Variants in AARS1 observed in about 807,000 individuals in gnomAD.
AARS1 encodes the protein alanine--tRNA ligase, cytoplasmic.
AARS1 carries 72 observed loss-of-function variants against 108.9 expected under a neutral mutation model. That is an observed-to-expected ratio of 0.66 (90% CI 0.55 to 0.80). The LOEUF is 0.80. Ranked by LOEUF, AARS1 falls within the 30% of genes least tolerant of loss-of-function variation. The probability of loss-of-function intolerance (pLI) is 0.00; values close to 1 mark genes in which losing one functional copy is unlikely to be tolerated. For missense variants in AARS1, 1,193 were observed against 1,233.2 expected (o/e 0.97, Z 0.49); for synonymous variants, 489 against 465.7 (o/e 1.05, Z -0.64).
At chr16:70,263,644 G>GT (rs966408493) in intron 11 of AARS1, among the ~76,000 whole-genome samples, 14 of 151,460 alleles carry the variant, frequency 9.2e-5, no homozygotes, top group African/African-American at 2.9e-4. Flanking sequence ...TTATTTTTAT[G>GT]TTTTTTTTGA....
Position 70,265,517 on chromosome 16 carries a change from T to C in AARS1, c.1347+21A>G, listed in dbSNP as rs7192000. The C allele has an allele frequency of 0.017, 27,989 of 1,613,514 alleles. 4,119 individuals carry two copies. In the African/African-American group the frequency reaches 0.32, roughly 19 times the overall value. On this transcript the variant is annotated intron_variant, in intron 10 of 20. Transcript: ENST00000261772. ...GGGTTGGAAGGTGTTGGGTTTCCTG[T>C]TCACTCTCCAAGTTCTTTACCTGGG...
intron 2 of AARS1, among the ~76,000 whole-genome samples, chr16:70,281,093 G>C (rs1299274543): frequency 1.3e-5 from 2 of 152,322 alleles, no homozygotes; most frequent in African/African-American, 2.4e-5. Flanking sequence ...GCCTCCCAGA[G>C]TGTTGGGATT....
At chr16:70,270,067 A>AAGT (rs1373637423) in intron 6 of AARS1, 129 bp downstream of exon 6, 10 of 1,178,672 alleles carry the variant, frequency 8.5e-6, no homozygotes, top group Non-Finnish European at 1.1e-5. Context: ...ATTAACAATG[A>AAGT]AGTAGGCAGA....
rs138409967 is a variant in AARS1, at chr16:70,262,375, G to C, written c.1642C>G (p.Leu548Val). Reference protein sequence around the residue: ...QGGQIYDEGYLVKVDDSSEDK... With the variant: ...QGGQIYDEGYVVKVDDSSEDK... ...TCACTGCTGTCATCCACCTTCACCAGGTAGCCTTCGTCATAGATCTGGCCT... is the reference window on the plus strand; with the variant it reads ...TCACTGCTGTCATCCACCTTCACCACGTAGCCTTCGTCATAGATCTGGCCT... Residue 548 changes from leucine (L) to valine (V), a missense_variant, in exon 12 of 21, where the codon CTG (leucine) becomes GTG (valine). Physicochemically the swap from Leu to Val is conservative, Grantham distance 32. Coordinates refer to ENST00000261772, the MANE Select transcript of AARS1 (RefSeq NM_001605.3). 1.2e-6 allele frequency: 2 copies of C among 1,614,180 alleles called. No individual in the cohort carries two copies. The highest frequency in any genetic ancestry group is 1.7e-6 in the Non-Finnish European group (2 of 1,180,034).
At chr16:70,253,501 G>T in intron 19 of AARS1, 120 bp from the exon 20 acceptor site, 2 of 1,064,192 alleles carry the variant, frequency 1.9e-6, no homozygotes, top group Non-Finnish European at 2.8e-6. Flanking sequence ...CAGGGGCTGT[G>T]CCCAGGGCCT....
chr16:70,273,863 C>CA (rs71385651), intron 4 of AARS1, among the ~76,000 whole-genome samples: 5,306 of 53,260 alleles, frequency 0.1, 198 homozygotes, highest in African/African-American at 0.12. Context: ...ACTCCGTCTC[C>CA]AAAAAAAAAA....
chr16:70,269,682 C>A lies in AARS1; in HGVS notation c.898G>T (p.Asp300Tyr). ...GCCACAGTGATGGTCCGAGCGTGGT[C>A]AGCCAGCACCCGGTAGGCCATGTCA... is the stretch of plus-strand genomic sequence containing the variant. ...GIDMAYRVLA[D>Y]HARTITVALA... The change falls in exon 7 of 21, where the codon GAC (aspartate) becomes TAC (tyrosine). Residue 300 changes from aspartate to tyrosine, a missense_variant. Asp to Tyr is a radical substitution (Grantham distance 160). Transcript: ENST00000261772. 1 of 1,614,182 alleles carries A rather than the reference C, an allele frequency of 6.2e-7. No individual in the cohort carries two copies. The highest frequency in any genetic ancestry group is 1.7e-5 in the Admixed American group (1 of 60,004).
At chr16:70,272,923 CAA>C (rs57936835) in intron 4 of AARS1, among the ~76,000 whole-genome samples, 3 of 149,450 alleles carry the variant, frequency 2.0e-5, no homozygotes, top group East Asian at 2.0e-4. Context: ...CACACACACA[CAA>C]AAGATTGTGC....
At chr16:70,255,978 G>A in intron 15 of AARS1, 142 bp from the exon 16 acceptor site, 1 of 740,586 alleles carries the variant, frequency 1.4e-6, no homozygotes, top group Non-Finnish European at 2.3e-6. Flanking sequence ...CACCAAGCGG[G>A]ACACCAGCTC....
intron 12 of AARS1, chr16:70,261,498 A>G (rs1049224168): frequency 1.1e-4 from 30 of 284,026 alleles, no homozygotes; most frequent in African/African-American, 6.5e-4. Context: ...CTCAGGAGGC[A>G]GAGGCAGGAG....
At chr16:70,271,554 G>A (rs975139294) in intron 5 of AARS1, among the ~76,000 whole-genome samples, 1 of 151,720 alleles carries the variant, frequency 6.6e-6, no homozygotes, top group African/African-American at 2.4e-5. Flanking sequence ...AAAAACAGCA[G>A]CCCGAAGTAC....
At chr16:70,287,254 CAAAA>C (rs71151181) in intron 1 of AARS1, among the ~76,000 whole-genome samples, 3 of 39,428 alleles carry the variant, frequency 7.6e-5, no homozygotes, top group African/African-American at 1.9e-4. Context: ...GACTCCGTCT[CAAAA>C]AAAAAAAAAA....
At position 70,263,092 on chromosome 16, in the gene AARS1, G is replaced by A. The variant is rs549724002; in HGVS notation, c.1493-568C>T. ...CTGTCCCAATTTTTAGGACTGAGGG[G>A]TTTCCTGGGATGCAGGCTTCAGTGT... is the stretch of plus-strand genomic sequence containing the variant. On this transcript the variant is annotated intron_variant, in intron 11 of 20. Transcript: ENST00000261772. 4.0e-5 allele frequency among the ~76,000 whole-genome samples: 6 copies of A among 151,528 alleles called. No homozygotes were observed. The East Asian group carries it at 1.2e-3, about 29-fold the overall frequency.
At position 70,277,128 on chromosome 16, in the gene AARS1, A is replaced by C; in HGVS notation, c.171T>G (p.Ile57Met). 6.2e-7 allele frequency: 1 copy of C among 1,614,134 alleles called. No individual in the cohort carries two copies. The highest frequency in any genetic ancestry group is 8.5e-7 in the Non-Finnish European group (1 of 1,180,034). ...GCTTTGCCATGGGGTGAGATGGGTC[A>C]ATTGTGTTCAGGAAAATGGGTTTAA... ...NQFKPIFLNT[I>M]DPSHPMAKLS... Residue 57 changes from isoleucine (I) to methionine (M), a missense_variant, in exon 3 of 21, where the codon ATT becomes ATG. By Grantham distance (10) the Ile-to-Met change is conservative. Coordinates refer to ENST00000261772, the MANE Select transcript of AARS1 (RefSeq NM_001605.3).
chr16:70,274,313 CCT>C (rs1960484650), intron 4 of AARS1, among the ~76,000 whole-genome samples: 1 of 151,568 alleles, frequency 6.6e-6, no homozygotes, highest in Non-Finnish European at 1.5e-5. Flanking sequence ...CACACTCCAG[CCT>C]GGGCAACAAG....
intron 4 of AARS1, among the ~76,000 whole-genome samples, chr16:70,272,889 G>GAC (rs71928705): frequency 0.022 from 3,148 of 140,368 alleles, 83 homozygotes; most frequent in South Asian, 0.075. Context: ...CAGCCTGGGT[G>GAC]ACACACACAC....
At chr16:70,265,446 CT>C (rs1230204651) in intron 10 of AARS1, 91 bp downstream of exon 10, 3 of 1,593,254 alleles carry the variant, frequency 1.9e-6, no homozygotes, top group Non-Finnish European at 2.6e-6. Context: ...ACTTCAAAGA[CT>C]TTAATGGAAG....
chr16:70,258,013 T>C lies in AARS1; in HGVS notation c.2177+20A>G, dbSNP rs771766993. On this transcript the variant is annotated intron_variant, in intron 15 of 20. Coordinates refer to ENST00000261772, the MANE Select transcript of AARS1 (RefSeq NM_001605.3). ...ATGAAGGTAGATGACCTGTCTACTC[T>C]GCCCCTCTGCAGTACTCACGTTCCC... 5.0e-6 allele frequency: 8 copies of C among 1,613,834 alleles called. No homozygotes were observed. Among genetic ancestry groups the C allele is most frequent in the Non-Finnish European group, 6.8e-6 (8 of 1,179,882 alleles).
chr16:70,253,128 G>C (rs972921043), intron 20 of AARS1, 140 bp downstream of exon 20: 3 of 883,590 alleles, frequency 3.4e-6, no homozygotes, highest in Non-Finnish European at 5.6e-6. Context: ...TCACCAATAA[G>C]AAGGCCTGGG....
Sources: allele counts gnomAD v4.1 joint callset (sites outside exome capture counted in the v4.1 genomes callset), GRCh38; gene constraint gnomAD v4.1.1; transcripts MANE v1.5; gene names NCBI Gene and HGNC (gene_info 2026-07-23, HGNC 2026-07-21).